Variants in FUCA2 observed in about 807,000 individuals in gnomAD.
FUCA2 encodes plasma alpha-L-fucosidase.
FUCA2 carries 41 observed loss-of-function variants against 52.6 expected under a neutral mutation model. The ratio of observed to expected loss-of-function variants is 0.78; its 90% CI spans 0.61 to 1.01. The LOEUF is 1.01. Ranked by LOEUF, FUCA2 falls within the 50% of genes least tolerant of loss-of-function variation. The pLI is 0.00. For missense variants in FUCA2, 507 were observed against 569.5 expected (o/e 0.89, Z 1.12); for synonymous variants, 211 against 217.3 (o/e 0.97, Z 0.26).
At chr6:143,505,047 C>T (rs553048069) in intron 2 of FUCA2, 66 of 152,054 alleles carry the variant, frequency 4.3e-4, no homozygotes, top group African/African-American at 1.4e-3. Flanking sequence ...AGAAGTGGTT[C>T]GTTTTTAAGA....
At position 143,502,830 on chromosome 6, in the gene FUCA2, G is replaced by C. The variant is rs3789791; in HGVS notation, c.753-265C>G. 77,078 of 367,204 alleles carry C rather than the reference G, an allele frequency of 0.21. 8,471 individuals are homozygous for C. Among genetic ancestry groups the C allele is most frequent in the Non-Finnish European group, 0.22 (44,912 of 202,996 alleles). 22.7% of individuals were successfully genotyped at this position (367,204 alleles called of 1,614,324 possible). On this transcript the variant is annotated intron_variant, in intron 3 of 6. Coordinates refer to ENST00000002165, the MANE Select transcript of FUCA2 (RefSeq NM_032020.5). The surrounding 1 kb of genome is among the most constrained non-coding windows in gnomAD (Gnocchi z 4.1). ...TCATCTATGATTAGAACAAAAATAA[G>C]TTATGTAAAACATTAGCCTGGTACC...
chr6:143,508,370 C>T (rs1780639895), intron 1 of FUCA2, among the ~76,000 whole-genome samples: 1 of 152,194 alleles, frequency 6.6e-6, no homozygotes, highest in Non-Finnish European at 1.5e-5. Flanking sequence ...CCTGCTTTTT[C>T]TATCACCATT....
chr6:143,502,638 G>C lies in FUCA2; in HGVS notation c.753-73C>G. The stretch of plus-strand genomic sequence containing the variant: ...ATACAAAAAGAAATGTCACTGAAAA[G>C]ACATGTAATTGAAATACAATTCTGA... On this transcript the variant is annotated intron_variant, in intron 3 of 6. Coordinates refer to ENST00000002165, the MANE Select transcript of FUCA2 (RefSeq NM_032020.5). This position sits in a 1 kb window ranked among gnomAD's most constrained non-coding sequence, Gnocchi z 4.1. 7.9e-7 allele frequency: 1 copy of C among 1,261,814 alleles called. No individual in the cohort carries two copies. The highest frequency in any genetic ancestry group is 2.3e-5 in the East Asian group (1 of 42,582). The allele number at this position is 1,261,814 out of a possible 1,614,324, so 78.2% of individuals were successfully genotyped here.
rs753056694 is a variant in FUCA2, at chr6:143,511,484, CA to C, written c.150del (p.Phe50LeufsTer41). 145 of 1,606,924 alleles carry C rather than the reference CA, an allele frequency of 9.0e-5. No individual in the cohort carries two copies. The South Asian group carries it at 1.1e-3, about 12-fold the overall frequency. On this transcript the variant is annotated frameshift_variant, in exon 1 of 7. Coordinates refer to ENST00000002165, the MANE Select transcript of FUCA2 (RefSeq NM_032020.5). LOFTEE classifies it high-confidence loss of function. The surrounding 1 kb of genome is among the most constrained non-coding windows in gnomAD (Gnocchi z 6.3). ...ATGAAGATGCCGAACTTGGCCTGGT[CA>C]AACCACGCGGGCAGCTGGCGGGCGT... Reference protein sequence around the residue: ...SLDARQLPAWFDQAKFGIFIH... With the variant: ...SLDARQLPAWXDQAKFGIFIH...
At position 143,497,053 on chromosome 6, in the gene FUCA2, G is replaced by A; in HGVS notation, c.1263+336C>T. The A allele has an allele frequency of 5.2e-6, 1 of 192,562 alleles. No homozygotes were observed. Among genetic ancestry groups the A allele is most frequent in the Middle Eastern group, 2.2e-3 (1 of 458 alleles). The allele number at this position is 192,562 out of a possible 1,614,324, so 11.9% of individuals were successfully genotyped here. ...TAGCTTACTGTAGTCTTGACCTACT[G>A]GGCTCAAGCAATCCTCCTGCCTCAG... On this transcript the variant is annotated intron_variant, in intron 6 of 6. Coordinates refer to ENST00000002165, the MANE Select transcript of FUCA2 (RefSeq NM_032020.5). This position sits in a 1 kb window ranked among gnomAD's most constrained non-coding sequence, Gnocchi z 5.3.
chr6:143,508,086 T>C (rs1298589361), intron 1 of FUCA2, among the ~76,000 whole-genome samples: 1 of 152,212 alleles, frequency 6.6e-6, no homozygotes, highest in African/African-American at 2.4e-5. Context: ...GCCTAAAACA[T>C]AATATGCATC....
Position 143,500,646 on chromosome 6 carries a change from C to G in FUCA2, c.1154+1286G>C, listed in dbSNP as rs190391661. On this transcript the variant is annotated intron_variant, in intron 5 of 6. Coordinates refer to ENST00000002165, the MANE Select transcript of FUCA2 (RefSeq NM_032020.5). This position sits in a 1 kb window ranked among gnomAD's most constrained non-coding sequence, Gnocchi z 6.9. ...TTCGACTTTGCATTACCAATATGACCTTGTATATTGATAATGCAAAGGAAC... is the reference window on the plus strand; with the variant it reads ...TTCGACTTTGCATTACCAATATGACGTTGTATATTGATAATGCAAAGGAAC... Among the ~76,000 whole-genome samples the G allele has an allele frequency of 4.4e-4, 67 of 152,232 alleles. No homozygotes were observed. In the East Asian group the frequency reaches 0.012, roughly 27 times the overall value.
chr6:143,502,010 C>T lies in FUCA2; in HGVS notation c.1076G>A (p.Trp359Ter), dbSNP rs749869186. 2 of 1,613,760 alleles carry T rather than the reference C, an allele frequency of 1.2e-6. No homozygotes were observed. The highest frequency in any genetic ancestry group is 3.3e-5 in the Admixed American group (2 of 59,932). The change falls in exon 5 of 7, where the codon TGG becomes TAG. Residue 359 changes from tryptophan to a stop codon, truncating the protein, a stop_gained. Coordinates refer to ENST00000002165, the MANE Select transcript of FUCA2 (RefSeq NM_032020.5). LOFTEE classifies it high-confidence loss of function. The surrounding 1 kb of genome is among the most constrained non-coding windows in gnomAD (Gnocchi z 4.1). ...AATAGCTTCTCCATTGACTTTTAGC[C>T]AGGACCCCATTTGCCTCAGTCGCTC... Reference protein sequence around the residue: ...FEERLRQMGSWLKVNGEAIYE... With the variant: ...FEERLRQMGS
chr6:143,505,274 T>G (rs2128422306), intron 2 of FUCA2: 1 of 151,622 alleles, frequency 6.6e-6, no homozygotes, highest in South Asian at 2.1e-4. Flanking sequence ...TCTTGGTAAA[T>G]TAGAACAAGT....
rs1038539874 is a variant in FUCA2, at chr6:143,511,108, G to A, written c.224+303C>T. ...AACTGATGAATGTCTGTAGTAGCTCGATGTTGTAGTGTCATAACTACAGCT... is the reference window on the plus strand; with the variant it reads ...AACTGATGAATGTCTGTAGTAGCTCAATGTTGTAGTGTCATAACTACAGCT... On this transcript the variant is annotated intron_variant, in intron 1 of 6. Coordinates refer to ENST00000002165, the MANE Select transcript of FUCA2 (RefSeq NM_032020.5). The surrounding 1 kb of genome is among the most constrained non-coding windows in gnomAD (Gnocchi z 6.3). Among the ~76,000 whole-genome samples, 2 of 152,288 alleles carry A rather than the reference G, an allele frequency of 1.3e-5. No homozygotes were observed. The highest frequency in any genetic ancestry group is 3.4e-3 in the Middle Eastern group (1 of 294).
rs1362307299 is a variant in FUCA2 at position 143,503,934 on chromosome 6, A to C, written c.731T>G (p.Leu244Trp). 6.2e-7 allele frequency: 1 copy of C among 1,613,422 alleles called. No homozygotes were observed. Among genetic ancestry groups the C allele is most frequent in the Admixed American group, 1.7e-5 (1 of 59,942 alleles). The change falls in exon 3 of 7, where the codon TTG becomes TGG. Residue 244 changes from leucine (L) to tryptophan (W), a missense_variant. Physicochemically the swap from Leu to Trp is moderately conservative, Grantham distance 61. Coordinates refer to ENST00000002165, the MANE Select transcript of FUCA2 (RefSeq NM_032020.5). This position sits in a 1 kb window ranked among gnomAD's most constrained non-coding sequence, Gnocchi z 4.8. ...PDQYWNSTGF[L>W]AWLYNESPVR... Reference sequence around the variant, plus strand: ...ACACCTTTCATTATATAACCAGGCCAAGAAGCCTGTGCTGTTCCAGTATTG... The same window carrying C: ...ACACCTTTCATTATATAACCAGGCCCAGAAGCCTGTGCTGTTCCAGTATTG...
Position 143,495,601 on chromosome 6 carries a change from T to C in FUCA2, c.*106A>G. On this transcript the variant is annotated 3_prime_UTR_variant, in exon 7 of 7. Transcript: ENST00000002165. This position sits in a 1 kb window ranked among gnomAD's most constrained non-coding sequence, Gnocchi z 5.2. ...GAAAGGGCTGAACTGCCAAAATAAT[T>C]TTCTTATCCAGTTTTACATTTGCTT... 8.4e-7 allele frequency: 1 copy of C among 1,190,620 alleles called. No homozygotes were observed. The highest frequency in any genetic ancestry group is 1.1e-6 in the Non-Finnish European group (1 of 881,792). 73.8% of individuals were successfully genotyped at this position (1,190,620 alleles called of 1,614,324 possible).
rs1192660627 is a variant in FUCA2 at position 143,499,984 on chromosome 6, G to C, written c.1154+1948C>G. On this transcript the variant is annotated intron_variant, in intron 5 of 6. Transcript: ENST00000002165. The surrounding 1 kb of genome is among the most constrained non-coding windows in gnomAD (Gnocchi z 6.0). ...TCCTTGGGTGGATGATTTGCAATGG[G>C]ATCAGGACACAAGGGTTGACCTTAA... 6.6e-6 allele frequency among the ~76,000 whole-genome samples: 1 copy of C among 152,170 alleles called. No individual in the cohort carries two copies. The highest frequency in any genetic ancestry group is 2.4e-5 in the African/African-American group (1 of 41,440).
chr6:143,495,640 C>T lies in FUCA2; in HGVS notation c.*67G>A, dbSNP rs1395541901. ...TTACATTTGCTTTCTCCATGTGCTA[C>T]AATTATAGACACCTGATAGTTCCTA... is the stretch of plus-strand genomic sequence containing the variant. On this transcript the variant is annotated 3_prime_UTR_variant, in exon 7 of 7. Transcript: ENST00000002165. This position sits in a 1 kb window ranked among gnomAD's most constrained non-coding sequence, Gnocchi z 5.2. The T allele has an allele frequency of 6.8e-7, 1 of 1,472,668 alleles. No individual in the cohort carries two copies. Among genetic ancestry groups the T allele is most frequent in the African/African-American group, 1.4e-5 (1 of 71,852 alleles). 91.2% of individuals were successfully genotyped at this position (1,472,668 alleles called of 1,614,324 possible).
rs1780511520 is a variant in FUCA2, at chr6:143,500,100, C to T, written c.1154+1832G>A. Among the ~76,000 whole-genome samples, 1 of 151,862 alleles carries T rather than the reference C, an allele frequency of 6.6e-6. No individual in the cohort carries two copies. The highest frequency in any genetic ancestry group is 2.4e-5 in the African/African-American group (1 of 41,354). ...TAGTTAACAGTTAGCTGTCCAGAAG[C>T]AGGCATGGAATAAGTAGATCTGTAT... On this transcript the variant is annotated intron_variant, in intron 5 of 6. Transcript: ENST00000002165. This position sits in a 1 kb window ranked among gnomAD's most constrained non-coding sequence, Gnocchi z 6.9.
Position 143,503,801 on chromosome 6 carries a change from C to T in FUCA2, c.752+112G>A. ...GTATTATTTACAATGATTTTCTCCC[C>T]CCATACCACCAATGACTTAAAATGA... On this transcript the variant is annotated intron_variant, in intron 3 of 6. Transcript: ENST00000002165. This position sits in a 1 kb window ranked among gnomAD's most constrained non-coding sequence, Gnocchi z 4.8. The T allele has an allele frequency of 1.3e-6, 1 of 767,402 alleles. No individual in the cohort carries two copies. Among genetic ancestry groups the T allele is most frequent in the Non-Finnish European group, 2.1e-6 (1 of 484,782 alleles). 47.5% of individuals were successfully genotyped at this position (767,402 alleles called of 1,614,324 possible). A position where few individuals can be genotyped will look rare whatever the true frequency, so the allele number is the denominator to read the frequency against.
intron 2 of FUCA2, chr6:143,505,459 T>A (rs1244513239): frequency 2.6e-5 from 4 of 151,864 alleles, no homozygotes; most frequent in Non-Finnish European, 5.9e-5. Context: ...GGACTACAGG[T>A]GTGTACTCCA....
chr6:143,500,576 A>G lies in FUCA2; in HGVS notation c.1154+1356T>C, dbSNP rs567163509. The stretch of plus-strand genomic sequence containing the variant: ...CTCAGGGCTTCAGTTGTGGACGTAC[A>G]GGTCTAAGATGCTATGCATCCAAGT... On this transcript the variant is annotated intron_variant, in intron 5 of 6. Transcript: ENST00000002165. The surrounding 1 kb of genome is among the most constrained non-coding windows in gnomAD (Gnocchi z 6.9). Among the ~76,000 whole-genome samples, 1 of 152,322 alleles carries G rather than the reference A, an allele frequency of 6.6e-6. No homozygotes were observed. Among genetic ancestry groups the G allele is most frequent in the African/African-American group, 2.4e-5 (1 of 41,574 alleles).
In FUCA2 at chr6:143,501,926, A is replaced by G; in HGVS notation, c.1154+6T>C. 6.2e-7 allele frequency: 1 copy of G among 1,608,210 alleles called. No homozygotes were observed. The highest frequency in any genetic ancestry group is 8.5e-7 in the Non-Finnish European group (1 of 1,176,100). ...AAAAGAGTACTTGGTAACAAGAATGACTTACCACACATCTGGGGTGACAGT... is the reference window on the plus strand; with the variant it reads ...AAAAGAGTACTTGGTAACAAGAATGGCTTACCACACATCTGGGGTGACAGT... On this transcript the variant is annotated splice_donor_region_variant and intron_variant, in intron 5 of 6. Coordinates refer to ENST00000002165, the MANE Select transcript of FUCA2 (RefSeq NM_032020.5). The surrounding 1 kb of genome is among the most constrained non-coding windows in gnomAD (Gnocchi z 6.1).
Sources: gnomAD v4.1 joint callset for allele counts (sites outside exome capture counted in the v4.1 genomes callset) on GRCh38, gnomAD v4.1.1 for gene constraint, Gnocchi (gnomAD v3.1) non-coding constraint, MANE v1.5 for transcripts, NCBI Gene and HGNC (gene_info 2026-07-23, HGNC 2026-07-21) for gene names.